Variants in DYNLRB1 observed in about 807,000 individuals in gnomAD.
DYNLRB1 encodes the protein ROBL/LC7-like 1.
DYNLRB1 carries 6 observed loss-of-function variants against 13.5 expected under a neutral mutation model. The observed-to-expected ratio is 0.44, with a 90% CI of 0.24 to 0.88. DYNLRB1 has a LOEUF of 0.88. Among genes scored for constraint, DYNLRB1 ranks in the 40% least tolerant of loss-of-function variants. The pLI is 0.21. For missense variants in DYNLRB1, 93 were observed against 127.2 expected (o/e 0.73, Z 1.29); for synonymous variants, 43 against 45.0 (o/e 0.96, Z 0.18).
intron 3 of DYNLRB1, among the ~76,000 whole-genome samples, chr20:34,537,985 CTTTTTTTT>C (rs67763754): frequency 1.1e-5 from 1 of 94,876 alleles, no homozygotes; most frequent in East Asian, 3.3e-4. Context: ...CGTGAACAGG[CTTTTTTTT>C]TTTTTTTTTT....
intron 1 of DYNLRB1, 158 bp downstream of exon 1, chr20:34,516,619 C>T (rs1979212462): frequency 4.7e-6 from 7 of 1,499,190 alleles, no homozygotes; most frequent in African/African-American, 1.4e-5. Context: ...AGGGTGGAAC[C>T]CGGCGGCGGA....
At chr20:34,520,923 T>C (rs1224058094) in intron 1 of DYNLRB1, among the ~76,000 whole-genome samples, 2 of 152,262 alleles carry the variant, frequency 1.3e-5, no homozygotes, top group African/African-American at 4.8e-5. Flanking sequence ...TATTGTCCTG[T>C]AGCTTTGTCA....
At chr20:34,521,339 TGAC>T (rs1024895286) in intron 1 of DYNLRB1, among the ~76,000 whole-genome samples, 34 of 152,200 alleles carry the variant, frequency 2.2e-4, no homozygotes, top group African/African-American at 7.5e-4. Flanking sequence ...TGAGGGATGA[TGAC>T]CATGGTTTGA....
At chr20:34,522,463 C>CTTTT (rs1979809197) in intron 1 of DYNLRB1, among the ~76,000 whole-genome samples, 2 of 101,256 alleles carry the variant, frequency 2.0e-5, no homozygotes, top group Non-Finnish European at 4.2e-5. Flanking sequence ...TTTCTTTTTT[C>CTTTT]TTTTTCTTTT....
chr20:34,528,489 G>A (rs755068005), intron 2 of DYNLRB1, among the ~76,000 whole-genome samples: 20 of 152,216 alleles, frequency 1.3e-4, no homozygotes, highest in African/African-American at 2.6e-4. Flanking sequence ...CTCTGTTCCC[G>A]TGTCATTCAC....
At chr20:34,533,463 G>C (rs1980867688) in intron 2 of DYNLRB1, 1 of 985,288 alleles carries the variant, frequency 1.0e-6, no homozygotes, top group African/African-American at 1.7e-5. Context: ...AGCCTCCCTT[G>C]GGTGGAAATC....
At chr20:34,522,816 G>A (rs6088516) in intron 1 of DYNLRB1, among the ~76,000 whole-genome samples, 36 of 152,268 alleles carry the variant, frequency 2.4e-4, no homozygotes, top group Non-Finnish European at 3.1e-4. Flanking sequence ...TCTGGTTCTC[G>A]TTGAGTTTCA....
Position 34,534,796 on chromosome 20 carries a change from G to T in DYNLRB1, c.247+1G>T, listed in dbSNP as rs1402420830. On this transcript the variant is annotated splice_donor_variant, in intron 3 of 3. Transcript: ENST00000357156. LOFTEE classifies it high-confidence loss of function. The stretch of plus-strand genomic sequence containing the variant: ...AAAAATGAAATTATGGTTGCACCAG[G>T]TAAGGGGTCTTCTACCTCCCCATGT... 6.2e-7 allele frequency: 1 copy of T among 1,614,032 alleles called. No homozygotes were observed. The highest frequency in any genetic ancestry group is 8.5e-7 in the Non-Finnish European group (1 of 1,179,998).
At chr20:34,529,892 GC>G in intron 2 of DYNLRB1, 3 of 1,522,938 alleles carry the variant, frequency 2.0e-6, no homozygotes, top group Admixed American at 2.2e-5. Flanking sequence ...ACAGGAGCAG[GC>G]CCCCTGCTCA....
chr20:34,516,936 G>C, intron 1 of DYNLRB1: 2 of 1,373,058 alleles, frequency 1.5e-6, no homozygotes, highest in South Asian at 1.8e-5. Context: ...GCCCCGAGAA[G>C]CCAAGTGCTT....
chr20:34,518,498 TGTTA>T (rs1979443637), intron 1 of DYNLRB1, among the ~76,000 whole-genome samples: 1 of 151,998 alleles, frequency 6.6e-6, no homozygotes, highest in Non-Finnish European at 1.5e-5. Flanking sequence ...AAACAACCAT[TGTTA>T]GTTTCTTTTT....
Position 34,526,305 on chromosome 20 carries a change from A to C in DYNLRB1, c.41A>C (p.Gln14Pro). 1 of 1,614,170 alleles carries C rather than the reference A, an allele frequency of 6.2e-7. No homozygotes were observed. The change falls in exon 2 of 4, where the codon CAG becomes CCG. Residue 14 changes from glutamine (Q) to proline (P), a missense_variant. Coordinates refer to ENST00000357156, the MANE Select transcript of DYNLRB1 (RefSeq NM_014183.4). ...GAGACACTGAAGCGACTGCAGAGCC[A>C]GAAGGGAGTGCAGGGAATCATCGTC... Reference protein sequence around the residue: ...VEETLKRLQSQKGVQGIIVVN... With the variant: ...VEETLKRLQSPKGVQGIIVVN...
At chr20:34,532,096 C>T (rs1474564689) in intron 2 of DYNLRB1, among the ~76,000 whole-genome samples, 2 of 152,178 alleles carry the variant, frequency 1.3e-5, no homozygotes, top group Admixed American at 6.5e-5. Context: ...TGGTCCTGGC[C>T]CTCGGTGGGT....
At chr20:34,530,940 C>G (rs747584468) in intron 2 of DYNLRB1, 2 of 152,202 alleles carry the variant, frequency 1.3e-5, no homozygotes, top group Non-Finnish European at 2.9e-5. Context: ...TCTGCCACTG[C>G]CTTTTGACAT....
chr20:34,534,590 C>A, intron 2 of DYNLRB1, 38 bp from the exon 3 acceptor site: 1 of 1,524,468 alleles, frequency 6.6e-7, no homozygotes, highest in Non-Finnish European at 8.8e-7. Flanking sequence ...GCAGAAGGGG[C>A]TCCACATCCT....
At chr20:34,526,012 G>A (rs531174195) in intron 1 of DYNLRB1, among the ~76,000 whole-genome samples, 1 of 152,346 alleles carries the variant, frequency 6.6e-6, no homozygotes, top group South Asian at 2.1e-4. Flanking sequence ...AGCTGAGGAG[G>A]GTGGGATAAT....
intron 3 of DYNLRB1, among the ~76,000 whole-genome samples, chr20:34,537,418 T>A (rs1981231375): frequency 6.6e-6 from 1 of 152,094 alleles, no homozygotes; most frequent in Non-Finnish European, 1.5e-5. Context: ...ATAGTAAGCA[T>A]CTAGCAAATA....
At chr20:34,530,764 G>C (rs1980653039) in intron 2 of DYNLRB1, 1 of 152,162 alleles carries the variant, frequency 6.6e-6, no homozygotes, top group Non-Finnish European at 1.5e-5. Context: ...ATTGTATTGG[G>C]ATGCCTATGA....
At chr20:34,522,740 C>G (rs867004692) in intron 1 of DYNLRB1, among the ~76,000 whole-genome samples, 67 of 152,136 alleles carry the variant, frequency 4.4e-4, no homozygotes, top group African/African-American at 1.6e-3. Flanking sequence ...CCCCAAAGTG[C>G]TGGGATTACA....
Sources: allele counts gnomAD v4.1 joint callset (sites outside exome capture counted in the v4.1 genomes callset), GRCh38; gene constraint gnomAD v4.1.1; transcripts MANE v1.5; gene names NCBI Gene and HGNC (gene_info 2026-07-23, HGNC 2026-07-21).